Variants in ARMCX4 observed in about 807,000 individuals in gnomAD.
The protein encoded by ARMCX4 is armadillo repeat-containing X-linked protein 4.
In ARMCX4, 3 loss-of-function variants were observed where a neutral mutation model predicts 34.7. The observed-to-expected ratio is 0.09, with a 90% CI of 0.04 to 0.22. The LOEUF (loss-of-function observed/expected upper bound fraction) is 0.22, where lower values mean the gene tolerates loss of function less well. Ranked by LOEUF, ARMCX4 falls within the 10% of genes least tolerant of loss-of-function variation. The pLI is 1.00. For synonymous variants in ARMCX4, 513 were observed against 632.8 expected, an observed-to-expected ratio of 0.81 and a Z score of 2.84; for missense variants, 1,448 against 1,720.8, an observed-to-expected ratio of 0.84 and a Z score of 2.81.
intron 2 of ARMCX4, among the ~76,000 whole-genome samples, chrX:101,431,583 GC>G (rs1328002948): frequency 9.0e-6 from 1 of 110,743 alleles, no homozygotes; most frequent in East Asian, 2.8e-4. Context: ...TCGCTCTGTT[GC>G]CCAGGCTGGA....
intron 2 of ARMCX4, among the ~76,000 whole-genome samples, chrX:101,441,087 G>A (rs1260705667): frequency 3.6e-5 from 4 of 111,076 alleles, no homozygotes; most frequent in Non-Finnish European, 5.7e-5. Flanking sequence ...CTGTAGACTG[G>A]AGCTGTTCCT....
chrX:101,515,998 A>T (rs1417798243), intron 11 of ARMCX4, among the ~76,000 whole-genome samples: 10 of 112,209 alleles, frequency 8.9e-5, no homozygotes, highest in African/African-American at 2.6e-4. Flanking sequence ...TAGAAATAAT[A>T]TAAAAATAAA....
chrX:101,454,541 C>T (rs910185855), intron 4 of ARMCX4, among the ~76,000 whole-genome samples: 1 of 109,496 alleles, frequency 9.1e-6, no homozygotes, highest in Non-Finnish European at 1.9e-5. Flanking sequence ...CCACCTCGGC[C>T]TCCCAAAGTG....
At chrX:101,443,703 C>T (rs782145343) in intron 2 of ARMCX4, 8 of 248,327 alleles carry the variant, frequency 3.2e-5, no homozygotes, top group East Asian at 9.7e-5. Context: ...ATCTACAGTC[C>T]GCAATAGTTC....
intron 11 of ARMCX4, among the ~76,000 whole-genome samples, chrX:101,512,252 G>C (rs1476782155): frequency 9.0e-6 from 1 of 111,598 alleles, no homozygotes; most frequent in East Asian, 2.8e-4. Context: ...TGTGGTGGCA[G>C]GCGCCTGTAA....
intron 2 of ARMCX4, among the ~76,000 whole-genome samples, chrX:101,434,293 G>A (rs1189684157): frequency 4.0e-5 from 4 of 99,597 alleles, no homozygotes; most frequent in East Asian, 3.1e-4. Flanking sequence ...TCATACTGTC[G>A]CCTAGGCTGG....
At chrX:101,459,260 G>A (rs1932490413) in intron 4 of ARMCX4, among the ~76,000 whole-genome samples, 1 of 111,748 alleles carries the variant, frequency 8.9e-6, no homozygotes, top group South Asian at 3.7e-4. Context: ...CTGCAGGAGC[G>A]GGTTTGAACG....
At chrX:101,524,828 C>G (rs1044693498) in intron 11 of ARMCX4, among the ~76,000 whole-genome samples, 2 of 111,888 alleles carry the variant, frequency 1.8e-5, no homozygotes, top group East Asian at 2.8e-4. Context: ...CACAGCTCAA[C>G]GAGACCTGCC....
chrX:101,494,612 G>C lies in ARMCX4; in HGVS notation c.6023G>C (p.Ser2008Thr). The change falls in exon 6 of 6, where the codon AGC becomes ACC. Residue 2008 changes from serine to threonine, a missense_variant. This residue lies in a region of ARMCX4 where 1,343 missense variants were observed against 1,540.7 expected (regional missense o/e 0.87). Coordinates refer to ENST00000423738, the MANE Select transcript of ARMCX4 (RefSeq NM_001256155.3). ...ETKFAHQSEA[S>T]FPVEDESRKQ... ...AAGTTTGCACACCAAAGTGAGGCCA[G>C]CTTCCCAGTTGAAGATGAGTCCAGA... is the stretch of plus-strand genomic sequence containing the variant. 2 of 1,155,813 alleles carry C rather than the reference G, an allele frequency of 1.7e-6. No individual in the cohort carries two copies.
At chrX:101,477,527 A>T in intron 4 of ARMCX4, among the ~76,000 whole-genome samples, 1 of 106,058 alleles carries the variant, frequency 9.4e-6, no homozygotes, top group East Asian at 2.9e-4. Context: ...TCAGACTATT[A>T]TTTTTAGAAA....
At chrX:101,487,532 G>T (rs1478927914) in intron 3 of ARMCX4, 76 bp from the exon 4 acceptor site, 1 of 445,564 alleles carries the variant, frequency 2.2e-6, no homozygotes, top group Non-Finnish European at 3.4e-6. Context: ...AGACATTGGG[G>T]TCAGGGATCA....
intron 2 of ARMCX4, 91 bp downstream of exon 2, chrX:101,486,183 G>GGGGT (rs1569333249): frequency 9.0e-6 from 1 of 110,956 alleles, no homozygotes; most frequent in Admixed American, 9.6e-5. Context: ...AATGGGATGT[G>GGGGT]GGGTGGGGCT....
intron 2 of ARMCX4, among the ~76,000 whole-genome samples, chrX:101,436,611 C>G (rs1930793485): frequency 9.0e-6 from 1 of 111,548 alleles, no homozygotes; most frequent in Non-Finnish European, 1.9e-5. Flanking sequence ...TTGACTTCCT[C>G]TTTTCCTAAT....
At chrX:101,445,891 C>T (rs1018313463) in intron 3 of ARMCX4, 2 of 111,280 alleles carry the variant, frequency 1.8e-5, no homozygotes, top group Non-Finnish European at 3.8e-5. Context: ...GCCACCTTTC[C>T]CCATGCAGAT....
At chrX:101,488,321 C>A in intron 5 of ARMCX4, 123 bp from the exon 6 acceptor site, 1 of 617,487 alleles carries the variant, frequency 1.6e-6, no homozygotes, top group Non-Finnish European at 2.4e-6. Context: ...GGAGAGGCTG[C>A]TAATCATCCT....
At chrX:101,515,607 T>C (rs1350676565) in intron 11 of ARMCX4, among the ~76,000 whole-genome samples, 7 of 103,134 alleles carry the variant, frequency 6.8e-5, no homozygotes, top group African/African-American at 2.5e-4. Flanking sequence ...GGTGCAATCT[T>C]GGCTCACTGC....
intron 2 of ARMCX4, among the ~76,000 whole-genome samples, chrX:101,435,786 G>T (rs868991417): frequency 9.1e-5 from 10 of 109,969 alleles, no homozygotes; most frequent in African/African-American, 1.6e-4. Context: ...GGTCTAACAT[G>T]TAAGTCTTTA....
At chrX:101,424,878 T>G (rs1163688998) in intron 2 of ARMCX4, among the ~76,000 whole-genome samples, 6 of 111,942 alleles carry the variant, frequency 5.4e-5, no homozygotes, top group African/African-American at 1.9e-4. Flanking sequence ...TTGACGTGCC[T>G]TTGAGAACAC....
intron 5 of ARMCX4, 33 bp from the exon 6 acceptor site, chrX:101,488,411 A>C: frequency 4.6e-6 from 5 of 1,083,572 alleles, no homozygotes; most frequent in Non-Finnish European, 6.0e-6. Flanking sequence ...ATCAGAAGAG[A>C]AATTTTAGTC....
Sources: allele counts gnomAD v4.1 joint callset (sites outside exome capture counted in the v4.1 genomes callset), GRCh38; gene constraint gnomAD v4.1.1; regional missense constraint gnomAD v4.1.1; transcripts MANE v1.5; gene names NCBI Gene and HGNC (gene_info 2026-07-23, HGNC 2026-07-21).